Variants in PCSK5 observed in about 807,000 individuals in gnomAD.
PCSK5 encodes the protein proprotein convertase subtilisin/kexin type 5.
PCSK5 carries 129 observed loss-of-function variants against 233.2 expected under a neutral mutation model. The observed-to-expected ratio is 0.55, with a 90% CI of 0.48 to 0.64. The LOEUF is 0.64. Among genes scored for constraint, PCSK5 ranks in the 30% least tolerant of loss-of-function variants. PCSK5 has a pLI of 0.00. For missense variants in PCSK5, 2,076 were observed against 2,430.1 expected (o/e 0.85, Z 3.06); for synonymous variants, 825 against 879.2 (o/e 0.94, Z 1.09).
intron 13 of PCSK5, among the ~76,000 whole-genome samples, chr9:76,170,197 A>G (rs1823272195): frequency 7.1e-6 from 1 of 141,286 alleles, no homozygotes; most frequent in South Asian, 2.2e-4. Flanking sequence ...AAGAAGAGAC[A>G]GGCTTCCTTA....
At chr9:76,324,663 T>A (rs926735793) in intron 32 of PCSK5, among the ~76,000 whole-genome samples, 11 of 152,104 alleles carry the variant, frequency 7.2e-5, no homozygotes, top group Non-Finnish European at 1.6e-4. Context: ...TATTTATACC[T>A]CCTTATGTTT....
At chr9:76,165,940 T>C (rs953649370) in intron 12 of PCSK5, among the ~76,000 whole-genome samples, 6 of 152,370 alleles carry the variant, frequency 3.9e-5, no homozygotes, top group African/African-American at 1.4e-4. Context: ...TAAGCAAGTA[T>C]GTTCTTTGCA....
intron 8 of PCSK5, among the ~76,000 whole-genome samples, chr9:76,097,002 G>T (rs1045581479): frequency 1.3e-5 from 2 of 151,474 alleles, no homozygotes; most frequent in African/African-American, 4.9e-5. Flanking sequence ...TGCGATCTCG[G>T]CTCACTGCAA....
At chr9:76,254,811 A>G (rs1427217393) in intron 24 of PCSK5, among the ~76,000 whole-genome samples, 1 of 152,216 alleles carries the variant, frequency 6.6e-6, no homozygotes, top group Admixed American at 6.5e-5. Context: ...ATGGGGATAT[A>G]AAGATGAATA....
At chr9:75,938,721 C>T (rs1049875999) in intron 2 of PCSK5, among the ~76,000 whole-genome samples, 1 of 152,160 alleles carries the variant, frequency 6.6e-6, no homozygotes, top group African/African-American at 2.4e-5. Context: ...CAAATTTCTA[C>T]AAGCTCATTT....
At chr9:75,897,740 G>A (rs1261533283) in intron 1 of PCSK5, among the ~76,000 whole-genome samples, 2 of 152,024 alleles carry the variant, frequency 1.3e-5, no homozygotes, top group Admixed American at 6.5e-5. Flanking sequence ...TGATCCACCT[G>A]CCTTGGTGTT....
intron 35 of PCSK5, among the ~76,000 whole-genome samples, chr9:76,340,639 C>CAAAAAAA (rs57319222): frequency 1.0e-5 from 1 of 95,386 alleles, no homozygotes; most frequent in Non-Finnish European, 2.0e-5. Context: ...ACGAGACTGT[C>CAAAAAAA]AAAAAAAAAA....
intron 9 of PCSK5, among the ~76,000 whole-genome samples, chr9:76,119,856 C>T (rs1832566311): frequency 6.6e-6 from 1 of 151,958 alleles, no homozygotes; most frequent in African/African-American, 2.4e-5. Flanking sequence ...TATAGTCACC[C>T]TGCTGTGCCA....
rs59248860 is a variant in PCSK5 at position 76,173,496 on chromosome 9, C to CTTTTTTTTTTTTTTTTTTTTTTTT, written c.1757-1477_1757-1454dup. ...CTTTAATGAAATGGAGGCACGTTTC[C>CTTTTTTTTTTTTTTTTTTTTTTTT]TTTTTTTTTTTTTTTTTTTTTTTTT... On this transcript the variant is annotated intron_variant, in intron 13 of 37. Transcript: ENST00000674117. Among the ~76,000 whole-genome samples the CTTTTTTTTTTTTTTTTTTTTTTTT allele has an allele frequency of 2.6e-3, 161 of 60,992 alleles. 26 individuals carry two copies. The highest frequency in any genetic ancestry group is 3.0e-3 in the Non-Finnish European group (90 of 30,126). The allele number at this position is 60,992 out of a possible 152,430, so 40.0% of individuals were successfully genotyped here. A position where few individuals can be genotyped will look rare whatever the true frequency, so the allele number is the denominator to read the frequency against.
chr9:76,016,377 G>A (rs1477682367), intron 3 of PCSK5, among the ~76,000 whole-genome samples: 1 of 152,226 alleles, frequency 6.6e-6, no homozygotes, highest in Non-Finnish European at 1.5e-5. Context: ...TGATTGGAAT[G>A]TAGTAAGTGA....
At chr9:75,954,779 T>TG (rs1825019450) in intron 2 of PCSK5, among the ~76,000 whole-genome samples, 1 of 152,148 alleles carries the variant, frequency 6.6e-6, no homozygotes, top group Non-Finnish European at 1.5e-5. Flanking sequence ...CCTATCCTTT[T>TG]GCTCTAGGGC....
intron 5 of PCSK5, among the ~76,000 whole-genome samples, chr9:76,040,379 C>G (rs530303361): frequency 0.044 from 2,241 of 50,810 alleles, 44 homozygotes; most frequent in East Asian, 0.31. Flanking sequence ...CTCTCTCTCT[C>G]TCTCTGTCTC....
intron 35 of PCSK5, among the ~76,000 whole-genome samples, chr9:76,346,030 A>G (rs1829971613): frequency 1.3e-5 from 2 of 152,302 alleles, no homozygotes; most frequent in African/African-American, 4.8e-5. Flanking sequence ...AAAGTCTTAC[A>G]TTTAAATCTT....
Position 75,890,936 on chromosome 9 carries a change from G to C in PCSK5, c.-246G>C. The C allele has an allele frequency of 5.3e-6, 2 of 380,216 alleles. No homozygotes were observed. Among genetic ancestry groups the C allele is most frequent in the Non-Finnish European group, 9.3e-6 (2 of 214,450 alleles). The allele number at this position is 380,216 out of a possible 1,614,324, so 23.6% of individuals were successfully genotyped here. Reference sequence around the variant, plus strand: ...CGTCCGAGCCGGGGAGCATCGCCGAGCGCCCCACGGGCCGGAGAGCTGGGA... The same window carrying C: ...CGTCCGAGCCGGGGAGCATCGCCGACCGCCCCACGGGCCGGAGAGCTGGGA... On this transcript the variant is annotated 5_prime_UTR_variant, in exon 1 of 38. Coordinates refer to ENST00000674117, the MANE Select transcript of PCSK5 (RefSeq NM_001372043.1).
At chr9:76,273,718 A>G (rs57722010) in intron 24 of PCSK5, among the ~76,000 whole-genome samples, 5,399 of 151,092 alleles carry the variant, frequency 0.036, 317 homozygotes, top group African/African-American at 0.12. Flanking sequence ...CTATAGCCTG[A>G]AACTCCTGGG....
intron 30 of PCSK5, among the ~76,000 whole-genome samples, chr9:76,311,180 G>A (rs2131439334): frequency 6.6e-6 from 1 of 152,120 alleles, no homozygotes; most frequent in Middle Eastern, 3.4e-3. Context: ...ACCAGCCTAG[G>A]CAACATAGCA....
At chr9:76,079,418 A>G (rs1046801919) in intron 7 of PCSK5, among the ~76,000 whole-genome samples, 4 of 152,146 alleles carry the variant, frequency 2.6e-5, no homozygotes, top group African/African-American at 9.7e-5. Context: ...GATTACAGGC[A>G]TGAGCCACCA....
At position 75,932,539 on chromosome 9, in the gene PCSK5, G is replaced by A. The variant is rs1823858444; in HGVS notation, c.297+56G>A. Reference sequence around the variant, plus strand: ...AGGCAAAGCTTCTGCATTTTTCATTGGTAATAACACACTAGGGGCTGAGGA... The same window carrying A: ...AGGCAAAGCTTCTGCATTTTTCATTAGTAATAACACACTAGGGGCTGAGGA... On this transcript the variant is annotated intron_variant, in intron 2 of 37. Transcript: ENST00000674117. The A allele has an allele frequency of 5.0e-6, 5 of 996,104 alleles. No individual in the cohort carries two copies. The South Asian group carries it at 6.4e-5, about 13-fold the overall frequency. The allele number at this position is 996,104 out of a possible 1,614,324, so 61.7% of individuals were successfully genotyped here. A position where few individuals can be genotyped will look rare whatever the true frequency, so the allele number is the denominator to read the frequency against.
At chr9:76,135,781 G>A (rs1456112165) in intron 10 of PCSK5, among the ~76,000 whole-genome samples, 1 of 152,104 alleles carries the variant, frequency 6.6e-6, no homozygotes, top group Non-Finnish European at 1.5e-5. Context: ...GAACTTCTTA[G>A]TAGAAGGATC....
Sources: allele counts gnomAD v4.1 joint callset (sites outside exome capture counted in the v4.1 genomes callset), GRCh38; gene constraint gnomAD v4.1.1; transcripts MANE v1.5; gene names NCBI Gene and HGNC (gene_info 2026-07-23, HGNC 2026-07-21).